The following DMD variants were observed in gnomAD, a reference collection of about 807,000 sequenced individuals.
DMD encodes the protein mutant dystrophin.
In DMD, 63 loss-of-function variants were observed where a neutral mutation model predicts 330.1. The observed-to-expected ratio is 0.19, with a 90% CI of 0.16 to 0.24. The LOEUF is 0.24. DMD is among the 10% of genes least tolerant of loss of function. The probability of loss-of-function intolerance (pLI) is 1.00; values close to 1 mark genes in which losing one functional copy is unlikely to be tolerated. For synonymous variants in DMD, 1,223 were observed against 959.8 expected (o/e 1.27, Z -5.07); for missense variants, 3,344 against 2,684.1 (o/e 1.25, Z -5.43).
intron 16 of DMD, among the ~76,000 whole-genome samples, chrX:32,558,365 G>A (rs954397765): frequency 8.9e-6 from 1 of 111,771 alleles, no homozygotes; most frequent in Non-Finnish European, 1.9e-5. Flanking sequence ...TATAATTAGG[G>A]ATGGATATTA....
intron 49 of DMD, among the ~76,000 whole-genome samples, chrX:31,829,238 G>A (rs1015717827): frequency 4.5e-5 from 5 of 110,707 alleles, no homozygotes; most frequent in Admixed American, 1.9e-4. Context: ...GAGCTTGGGA[G>A]TGAGGTAAGG....
At chrX:32,404,028 G>C (rs2098102816) in intron 30 of DMD, among the ~76,000 whole-genome samples, 1 of 111,798 alleles carries the variant, frequency 8.9e-6, no homozygotes, top group African/African-American at 3.2e-5. Context: ...AGCTCAATCT[G>C]ATAGACCAAA....
intron 44 of DMD, among the ~76,000 whole-genome samples, chrX:32,016,157 A>G (rs1405906101): frequency 8.9e-6 from 1 of 111,993 alleles, no homozygotes; most frequent in Non-Finnish European, 1.9e-5. Flanking sequence ...TGAAATCTTA[A>G]AGAAGAGAAA....
chrX:32,630,031 T>C (rs2058630906), intron 11 of DMD, among the ~76,000 whole-genome samples: 1 of 111,763 alleles, frequency 8.9e-6, no homozygotes, highest in South Asian at 3.7e-4. Flanking sequence ...CAGTGAGTTT[T>C]GTTACTTCAG....
intron 7 of DMD, among the ~76,000 whole-genome samples, chrX:32,712,304 G>A (rs1012559510): frequency 3.6e-5 from 4 of 111,350 alleles, no homozygotes; most frequent in Admixed American, 1.9e-4. Context: ...CTGCCTAACA[G>A]TCCATAGCAT....
chrX:31,450,540 T>A (rs1297882826), intron 59 of DMD, among the ~76,000 whole-genome samples: 1 of 112,451 alleles, frequency 8.9e-6, no homozygotes, highest in Non-Finnish European at 1.9e-5. Flanking sequence ...GAGACTTCCA[T>A]CATTATCTGT....
intron 59 of DMD, among the ~76,000 whole-genome samples, chrX:31,447,209 T>A (rs1230490256): frequency 9.0e-6 from 1 of 111,078 alleles, no homozygotes; most frequent in Non-Finnish European, 1.9e-5. Flanking sequence ...CTCTTTTTTT[T>A]TCTTTTTAAA....
intron 1 of DMD, among the ~76,000 whole-genome samples, chrX:33,095,151 A>G (rs1014452039): frequency 1.8e-5 from 2 of 112,609 alleles, no homozygotes; most frequent in African/African-American, 6.4e-5. Flanking sequence ...AATGTGTACA[A>G]CACACATATG....
chrX:32,064,911 G>C (rs746875836), intron 44 of DMD, among the ~76,000 whole-genome samples: 46 of 111,021 alleles, frequency 4.1e-4, no homozygotes, highest in Non-Finnish European at 8.4e-4. Context: ...GCATGCTATC[G>C]ATGCTTCAGC....
chrX:33,184,704 G>C (rs1319004928), intron 1 of DMD, among the ~76,000 whole-genome samples: 1 of 100,736 alleles, frequency 9.9e-6, no homozygotes, highest in Non-Finnish European at 2.0e-5. Flanking sequence ...AAATTGCAAG[G>C]ATTTATTTTT....
At chrX:31,837,988 A>G (rs2093240442) in intron 48 of DMD, among the ~76,000 whole-genome samples, 1 of 112,438 alleles carries the variant, frequency 8.9e-6, no homozygotes, top group Non-Finnish European at 1.9e-5. Context: ...CACTTCCTTT[A>G]TAACAGTAGT....
At chrX:33,180,236 T>C (rs1603393027) in intron 1 of DMD, among the ~76,000 whole-genome samples, 1 of 112,338 alleles carries the variant, frequency 8.9e-6, no homozygotes, top group African/African-American at 3.2e-5. Context: ...GGGATCATCA[T>C]ATTTATCACG....
intron 1 of DMD, among the ~76,000 whole-genome samples, chrX:33,327,330 A>G (rs2054102711): frequency 8.9e-6 from 1 of 111,948 alleles, no homozygotes; most frequent in Admixed American, 9.5e-5. Flanking sequence ...TCTCCAATGA[A>G]CAAGAAAGAG....
intron 2 of DMD, among the ~76,000 whole-genome samples, chrX:32,963,298 T>G (rs1344926328): frequency 8.9e-6 from 1 of 111,971 alleles, no homozygotes; most frequent in Non-Finnish European, 1.9e-5. Context: ...TCTGTCTTCT[T>G]TATCCCAAAA....
chrX:33,270,082 T>C lies in DMD; in HGVS notation c.7+69177A>G, dbSNP rs371994273. On this transcript the variant is annotated intron_variant, in intron 1 of 17. Coordinates refer to the DMD transcript ENST00000288447. The stretch of plus-strand genomic sequence containing the variant: ...CTGATCAACACAATATTTGGGTTTA[T>C]GTCTCTAGTGAGATAACGCTTATGT... Among the ~76,000 whole-genome samples, 25 of 110,747 alleles carry C rather than the reference T, an allele frequency of 2.3e-4. 1 individual carries two copies. Among genetic ancestry groups the C allele is most frequent in the East Asian group, 1.7e-3 (6 of 3,527 alleles).
chrX:31,735,194 G>T (rs185340895), intron 51 of DMD, among the ~76,000 whole-genome samples: 240 of 111,656 alleles, frequency 2.1e-3, no homozygotes, highest in Middle Eastern at 9.2e-3. Flanking sequence ...CGCACACTGG[G>T]ATGCTTCTGC....
At chrX:32,713,688 T>G (rs2065403667) in intron 7 of DMD, among the ~76,000 whole-genome samples, 1 of 112,107 alleles carries the variant, frequency 8.9e-6, no homozygotes, top group Non-Finnish European at 1.9e-5. Context: ...AAATTCTATT[T>G]ATTGCTAGGG....
chrX:31,520,914 C>T (rs1330525943), intron 55 of DMD, among the ~76,000 whole-genome samples: 1 of 110,801 alleles, frequency 9.0e-6, no homozygotes, highest in African/African-American at 3.3e-5. Context: ...CTCCTGACCT[C>T]GTGATCTGCC....
At chrX:33,000,239 T>G (rs5972729) in intron 2 of DMD, among the ~76,000 whole-genome samples, 5,508 of 111,599 alleles carry the variant, frequency 0.049, 174 homozygotes, top group East Asian at 0.2. Context: ...AATTCACAAT[T>G]TTTTTTAAAT....
Sources: allele counts gnomAD v4.1 joint callset (sites outside exome capture counted in the v4.1 genomes callset), GRCh38; gene constraint gnomAD v4.1.1; transcripts MANE v1.5; gene names NCBI Gene and HGNC (gene_info 2026-07-23, HGNC 2026-07-21).